The following PDHX variants were observed in gnomAD, a reference collection of about 807,000 sequenced individuals.
PDHX encodes pyruvate dehydrogenase complex component X, also known as pyruvate dehydrogenase protein X component, mitochondrial.
In PDHX, 33 loss-of-function variants were observed where a neutral mutation model predicts 55.3. That is an observed-to-expected ratio of 0.60 (90% CI 0.45 to 0.80). The LOEUF is 0.80. Ranked by LOEUF, PDHX falls within the 30% of genes least tolerant of loss-of-function variation. The pLI is 0.00. For synonymous variants in PDHX, 226 were observed against 219.4 expected, an observed-to-expected ratio of 1.03 and a Z score of -0.27; for missense variants, 622 against 619.9, an observed-to-expected ratio of 1.00 and a Z score of -0.04.
upstream of PDHX, chr11:34,916,261 C>T: frequency 6.2e-7 from 1 of 1,612,676 alleles, no homozygotes; most frequent in Non-Finnish European, 8.5e-7. Context: ...AACAGTCTCC[C>T]TCCCGAGCAT....
At chr11:34,976,083 T>C (rs1565166933) in intron 7 of PDHX, among the ~76,000 whole-genome samples, 2 of 152,204 alleles carry the variant, frequency 1.3e-5, no homozygotes, top group African/African-American at 4.8e-5. Context: ...CCTGTTTTCT[T>C]ACTCTAATAA....
Position 34,994,912 on chromosome 11 carries a change from A to G in PDHX, c.1248-2A>G, listed in dbSNP as rs778982790. On this transcript the variant is annotated splice_acceptor_variant, in intron 10 of 10. Transcript: ENST00000227868. LOFTEE classifies it high-confidence loss of function. Reference sequence around the variant, plus strand: ...CTTCAGAGCTTTTTCTTTTCCCCCTAGTATTTCCAACTTGGGGATGTTTGG... The same window carrying G: ...CTTCAGAGCTTTTTCTTTTCCCCCTGGTATTTCCAACTTGGGGATGTTTGG... The G allele has an allele frequency of 6.2e-7, 1 of 1,613,782 alleles. No homozygotes were observed. The highest frequency in any genetic ancestry group is 8.5e-7 in the Non-Finnish European group (1 of 1,179,800).
At chr11:34,924,516 C>T (rs746844126) in intron 1 of PDHX, among the ~76,000 whole-genome samples, 8 of 152,116 alleles carry the variant, frequency 5.3e-5, no homozygotes, top group African/African-American at 1.4e-4. Context: ...CCACTGCTCC[C>T]GGCCTACCTT....
intron 9 of PDHX, among the ~76,000 whole-genome samples, chr11:34,987,890 A>G (rs916953789): frequency 5.3e-5 from 8 of 152,206 alleles, no homozygotes; most frequent in Non-Finnish European, 1.2e-4. Flanking sequence ...ACCTTTGGTA[A>G]TAAATGCATT....
At chr11:34,977,430 A>G (rs1855403712) in intron 7 of PDHX, among the ~76,000 whole-genome samples, 1 of 152,146 alleles carries the variant, frequency 6.6e-6, no homozygotes, top group African/African-American at 2.4e-5. Context: ...GTATACTGGA[A>G]AGAAATTGAT....
intron 5 of PDHX, among the ~76,000 whole-genome samples, chr11:34,966,250 CTT>C (rs1855128630): frequency 6.6e-6 from 1 of 152,100 alleles, no homozygotes; most frequent in Admixed American, 6.5e-5. Context: ...TTACAATAAA[CTT>C]GACACTTTTT....
chr11:34,994,960 A>G lies in PDHX; in HGVS notation c.1294A>G (p.Ile432Val), dbSNP rs1329616534. ...TGGCATCGACGAATTTACTGCAGTG[A>G]TTAACCCTCCTCAGGCCTGCATTTT... ...MFGIDEFTAV[I>V]NPPQACILAV... The change falls in exon 11 of 11, where the codon ATT becomes GTT. Residue 432 changes from isoleucine to valine, a missense_variant. Physicochemically the swap from Ile to Val is conservative, Grantham distance 29 (BLOSUM62 3). Transcript: ENST00000227868. The G allele has an allele frequency of 1.9e-6, 3 of 1,613,848 alleles. No individual in the cohort carries two copies. The highest frequency in any genetic ancestry group is 1.7e-6 in the Non-Finnish European group (2 of 1,179,906).
intron 9 of PDHX, among the ~76,000 whole-genome samples, chr11:34,991,965 AT>A (rs1234475675): frequency 3.4e-5 from 5 of 148,274 alleles, no homozygotes; most frequent in Admixed American, 2.7e-4. Flanking sequence ...GGATTCTTGT[AT>A]TTTTTTTCTT....
intron 8 of PDHX, among the ~76,000 whole-genome samples, chr11:34,981,741 T>C (rs1254932487): frequency 1.8e-4 from 27 of 151,150 alleles, no homozygotes; most frequent in East Asian, 5.8e-4. Context: ...TTGCATTTCT[T>C]TGATGACTAG....
chr11:34,929,473 A>G (rs1193155380), intron 1 of PDHX, among the ~76,000 whole-genome samples: 1 of 152,122 alleles, frequency 6.6e-6, no homozygotes, highest in African/African-American at 2.4e-5. Flanking sequence ...AAATCTGCCC[A>G]CCTCGGCAAA....
chr11:34,991,015 A>AT (rs1297622705), intron 9 of PDHX, among the ~76,000 whole-genome samples: 4 of 152,094 alleles, frequency 2.6e-5, no homozygotes, highest in Admixed American at 2.6e-4. Context: ...TTCGTTATTA[A>AT]TTTTTTATAT....
At position 34,948,324 on chromosome 11, in the gene PDHX, C is replaced by A. The variant is rs757504677; in HGVS notation, c.342+718C>A. 5.3e-5 allele frequency among the ~76,000 whole-genome samples: 8 copies of A among 152,290 alleles called. No individual in the cohort carries two copies. The South Asian group carries it at 1.0e-3, about 20-fold the overall frequency. On this transcript the variant is annotated intron_variant, in intron 3 of 10. Coordinates refer to ENST00000227868, the MANE Select transcript of PDHX (RefSeq NM_003477.3). ...AATAATTTGTATTGGTTGGTTGCAA[C>A]TGGATAATAAGTATCCATTTGTGCC...
chr11:34,994,839 T>A, intron 10 of PDHX, 75 bp from the exon 11 acceptor site: 1 of 1,555,258 alleles, frequency 6.4e-7, no homozygotes, highest in Non-Finnish European at 8.9e-7. Flanking sequence ...GTAAAATATA[T>A]AAAATATGTG....
At chr11:34,952,235 A>T (rs1245114221) in intron 3 of PDHX, among the ~76,000 whole-genome samples, 2 of 152,124 alleles carry the variant, frequency 1.3e-5, no homozygotes, top group East Asian at 1.9e-4. Context: ...GACCAGATGG[A>T]TTCACAGCCA....
chr11:34,992,253 A>G (rs1323350345), intron 9 of PDHX, 62 bp from the exon 10 acceptor site: 6 of 919,906 alleles, frequency 6.5e-6, no homozygotes, highest in South Asian at 1.3e-5. Flanking sequence ...AAATATTTCA[A>G]GTGACAAGAT....
chr11:34,962,871 A>T (rs1855048773), intron 5 of PDHX, among the ~76,000 whole-genome samples: 1 of 152,178 alleles, frequency 6.6e-6, no homozygotes, highest in Non-Finnish European at 1.5e-5. Context: ...TATTAATGAA[A>T]CATTTCTTAA....
rs1297537648 is a variant in PDHX, at chr11:34,969,858, TATC to T, written c.817-277_817-275del. Among the ~76,000 whole-genome samples the T allele has an allele frequency of 2.6e-5, 4 of 152,310 alleles. No homozygotes were observed. In the South Asian group the frequency reaches 6.2e-4, roughly 24 times the overall value. The stretch of plus-strand genomic sequence containing the variant: ...TTCATTATTTGGTAGGTTTCTTTCT[TATC>T]ATCTTAAATATAGTAACATAAGATA... On this transcript the variant is annotated intron_variant, in intron 6 of 10. Coordinates refer to ENST00000227868, the MANE Select transcript of PDHX (RefSeq NM_003477.3).
At chr11:34,947,711 T>C in intron 3 of PDHX, 105 bp downstream of exon 3, 1 of 771,080 alleles carries the variant, frequency 1.3e-6, no homozygotes, top group Non-Finnish European at 2.4e-6. Flanking sequence ...TTTTAATGTG[T>C]ATTGTCTACT....
At position 34,918,715 on chromosome 11, in the gene PDHX, T is replaced by C. The variant is rs374494039; in HGVS notation, c.160+1900T>C. Among the ~76,000 whole-genome samples, 11 of 152,310 alleles carry C rather than the reference T, an allele frequency of 7.2e-5. No homozygotes were observed. In the East Asian group the frequency reaches 1.5e-3, roughly 21 times the overall value. On this transcript the variant is annotated intron_variant, in intron 1 of 10. Transcript: ENST00000227868. Reference sequence around the variant, plus strand: ...AACACAAATTCACATCTCATAGTTCTAGAGGTCCGAAGTCCAAAATGGATC... The same window carrying C: ...AACACAAATTCACATCTCATAGTTCCAGAGGTCCGAAGTCCAAAATGGATC...
Sources: allele counts gnomAD v4.1 joint callset (sites outside exome capture counted in the v4.1 genomes callset), GRCh38; gene constraint gnomAD v4.1.1; transcripts MANE v1.5; gene names NCBI Gene and HGNC (gene_info 2026-07-23, HGNC 2026-07-21).